The following SYMPK variants were observed in gnomAD, a reference collection of about 807,000 sequenced individuals.
The protein encoded by SYMPK is symplekin scaffold protein.
SYMPK carries 49 observed loss-of-function variants against 136.4 expected under a neutral mutation model. The ratio of observed to expected loss-of-function variants is 0.36; its 90% CI spans 0.29 to 0.46. SYMPK has a LOEUF of 0.46. SYMPK is among the 20% of genes least tolerant of loss of function. SYMPK has a pLI of 1.00. For missense variants in SYMPK, 1,365 were observed against 1,690.0 expected (o/e 0.81, Z 3.37); for synonymous variants, 766 against 713.0 (o/e 1.07, Z -1.19).
At chr19:45,822,964 G>A (rs1970942598) in intron 20 of SYMPK, 118 bp from the exon 21 acceptor site, 2 of 807,552 alleles carry the variant, frequency 2.5e-6, no homozygotes, top group East Asian at 5.3e-5. Context: ...GGCTCACTGA[G>A]CCCCTCCTAC....
At chr19:45,860,835 A>G (rs1393435929) in intron 1 of SYMPK, among the ~76,000 whole-genome samples, 1 of 152,212 alleles carries the variant, frequency 6.6e-6, no homozygotes, top group African/African-American at 2.4e-5. Context: ...GGGTTTCGCC[A>G]TGTTGCCCAG....
intron 1 of SYMPK, chr19:45,862,475 C>T (rs1209471033): frequency 6.6e-6 from 1 of 152,208 alleles, no homozygotes; most frequent in Admixed American, 6.6e-5. Context: ...CAGAGACAAA[C>T]CTAGTCCCTA....
rs779466966 is a variant in SYMPK at position 45,816,830 on chromosome 19, G to T, written c.3226C>A (p.Leu1076Met). 1 of 1,545,504 alleles carries T rather than the reference G, an allele frequency of 6.5e-7. No individual in the cohort carries two copies. The highest frequency in any genetic ancestry group is 1.2e-5 in the South Asian group (1 of 83,822). The change falls in exon 24 of 27, where the codon CTG (leucine) becomes ATG (methionine). Residue 1076 changes from leucine (L) to methionine (M), a missense_variant. Leu to Met is a conservative substitution (Grantham distance 15). Around this residue, in one of 11 missense-constraint regions of SYMPK, gnomAD observed 341 missense variants for 270.5 expected, o/e 1.26. Transcript: ENST00000245934. ...GGGGTGAAGGAGCGGACATGGGCCA[G>T]CAGGGGCTCCCGGAGCTCTGGGCAC... is the stretch of plus-strand genomic sequence containing the variant. ...DKCPELREPL[L>M]AHVRSFTPHQ...
chr19:45,852,241 C>T, intron 5 of SYMPK, 71 bp downstream of exon 5: 2 of 1,531,218 alleles, frequency 1.3e-6, no homozygotes, highest in Non-Finnish European at 1.8e-6. Flanking sequence ...GTGGTGGCCT[C>T]CAGGCCAGGC....
intron 18 of SYMPK, among the ~76,000 whole-genome samples, chr19:45,824,938 A>G (rs1971002891): frequency 6.6e-6 from 1 of 152,218 alleles, no homozygotes; most frequent in African/African-American, 2.4e-5. Context: ...AGAAAGCGAG[A>G]AGTGAACGCG....
rs769097326 is a variant in SYMPK, at chr19:45,826,339, A to T, written c.2216T>A (p.Met739Lys). The change falls in exon 17 of 27, where the codon ATG (methionine) becomes AAG (lysine). Residue 739 changes from methionine to lysine, a missense_variant. Met to Lys is a moderately conservative substitution (Grantham distance 95). Transcript: ENST00000245934. ...RSQALLFIKR[M>K]YEKEQLREYV... ...CTCCCGCAGCTGCTCCTTCTCATAC[A>T]TGCGTTTGATGAACAGCAGGGCCTG... 4 of 1,614,126 alleles carry T rather than the reference A, an allele frequency of 2.5e-6. No homozygotes were observed. In the South Asian group the frequency reaches 4.4e-5, roughly 18 times the overall value.
At chr19:45,824,200 T>C in intron 18 of SYMPK, 1 of 247,112 alleles carries the variant, frequency 4.0e-6, no homozygotes, top group South Asian at 5.3e-5. Context: ...TGTTTCTGGC[T>C]CCACCCACCT....
At chr19:45,854,316 C>A in intron 2 of SYMPK, 75 bp downstream of exon 2, 1 of 1,604,278 alleles carries the variant, frequency 6.2e-7, no homozygotes, top group Non-Finnish European at 8.5e-7. Flanking sequence ...ACTCCCAGGG[C>A]TCTGCCACCT....
intron 11 of SYMPK, among the ~76,000 whole-genome samples, chr19:45,833,568 C>G (rs1198757376): frequency 6.6e-6 from 1 of 151,960 alleles, no homozygotes; most frequent in Admixed American, 6.6e-5. Flanking sequence ...TGCCATTGCA[C>G]TGCACTCCAG....
At chr19:45,834,918 T>TAA (rs1465923784) in intron 11 of SYMPK, among the ~76,000 whole-genome samples, 160 bp downstream of exon 11, 1 of 152,210 alleles carries the variant, frequency 6.6e-6, no homozygotes, top group Non-Finnish European at 1.5e-5. Context: ...GCCCAGGACT[T>TAA]AAAAACACTG....
intron 23 of SYMPK, among the ~76,000 whole-genome samples, chr19:45,817,713 T>C (rs1970786511): frequency 6.6e-6 from 1 of 152,214 alleles, no homozygotes. Context: ...GGAGCAGCCA[T>C]GCCTCTCCCG....
intron 22 of SYMPK, chr19:45,819,935 C>G (rs1970850013): frequency 6.6e-6 from 1 of 152,428 alleles, no homozygotes; most frequent in Non-Finnish European, 1.5e-5. Context: ...GGAGGGTTGT[C>G]TGGCCTGCAG....
intron 1 of SYMPK, among the ~76,000 whole-genome samples, chr19:45,861,526 G>A (rs972810166): frequency 6.6e-6 from 1 of 152,122 alleles, no homozygotes; most frequent in African/African-American, 2.4e-5. Context: ...GGATCACGAG[G>A]TCAGGAGTTC....
Position 45,826,387 on chromosome 19 carries a change from T to C in SYMPK, c.2182-14A>G, listed in dbSNP as rs753658959. 6.2e-7 allele frequency: 1 copy of C among 1,613,752 alleles called. No homozygotes were observed. Among genetic ancestry groups the C allele is most frequent in the East Asian group, 2.2e-5 (1 of 44,880 alleles). Reference sequence around the variant, plus strand: ...CTGGGAGCGCACCTGAGGAGGAAGATGGAGAAGGGCAGGGTCAGGGAAGAG... The same window carrying C: ...CTGGGAGCGCACCTGAGGAGGAAGACGGAGAAGGGCAGGGTCAGGGAAGAG... On this transcript the variant is annotated splice_polypyrimidine_tract_variant and intron_variant, in intron 16 of 26. Coordinates refer to ENST00000245934, the MANE Select transcript of SYMPK (RefSeq NM_004819.3).
In SYMPK at chr19:45,817,417, CTTTTTTTTTTT is replaced by C. The variant is rs559430104; in HGVS notation, c.3082-454_3082-444del. ...CTGCGGGGTTTGGTTTTTTTGTTCTCTTTTTTTTTTTTTTTTTTTTTTTTTTTTGAGAGATG... is the reference window on the plus strand; with the variant it reads ...CTGCGGGGTTTGGTTTTTTTGTTCTCTTTTTTTTTTTTTTTTTGAGAGATG... On this transcript the variant is annotated intron_variant, in intron 23 of 26. Transcript: ENST00000245934. 6.9e-3 allele frequency among the ~76,000 whole-genome samples: 753 copies of C among 108,456 alleles called. 16 individuals carry two copies. Among genetic ancestry groups the C allele is most frequent in the African/African-American group, 0.024 (692 of 28,252 alleles). 71.2% of individuals were successfully genotyped at this position (108,456 alleles called of 152,430 possible).
intron 10 of SYMPK, among the ~76,000 whole-genome samples, chr19:45,836,415 G>A (rs1345263695): frequency 6.6e-6 from 1 of 151,952 alleles, no homozygotes; most frequent in African/African-American, 2.4e-5. Context: ...CGGATCACGA[G>A]GTCAGGAGAT....
At chr19:45,839,581 T>C (rs1971387458) in intron 9 of SYMPK, among the ~76,000 whole-genome samples, 1 of 151,780 alleles carries the variant, frequency 6.6e-6, no homozygotes, top group Admixed American at 6.6e-5. Flanking sequence ...GCGCAGTGGC[T>C]CACACCTGTA....
intron 12 of SYMPK, 153 bp downstream of exon 12, chr19:45,831,231 T>C (rs576857755): frequency 1.7e-4 from 79 of 476,750 alleles, no homozygotes; most frequent in South Asian, 8.7e-4. Flanking sequence ...TGGCACTGAC[T>C]CGGGAGTCAG....
chr19:45,843,423 A>G (rs1971489264), intron 8 of SYMPK, among the ~76,000 whole-genome samples: 1 of 152,150 alleles, frequency 6.6e-6, no homozygotes, highest in Non-Finnish European at 1.5e-5. Flanking sequence ...ACATTTCGCT[A>G]ATCTTGGAAC....
Sources: allele counts gnomAD v4.1 joint callset (sites outside exome capture counted in the v4.1 genomes callset), GRCh38; gene constraint gnomAD v4.1.1; regional missense constraint gnomAD v4.1.1; transcripts MANE v1.5; gene names NCBI Gene and HGNC (gene_info 2026-07-23, HGNC 2026-07-21).